PLCH1: variants seen among roughly 807,000 people sequenced by gnomAD.
PLCH1 encodes 1-phosphatidylinositol 4,5-bisphosphate phosphodiesterase eta-1.
PLCH1 carries 60 observed loss-of-function variants against 126.7 expected under a neutral mutation model. The observed-to-expected ratio is 0.47, with a 90% CI of 0.38 to 0.59. The LOEUF (loss-of-function observed/expected upper bound fraction) is 0.59, where lower values mean the gene tolerates loss of function less well. PLCH1 is among the 20% of genes least tolerant of loss of function. The pLI is 0.00. For missense variants in PLCH1, 1,723 were observed against 2,040.0 expected, an observed-to-expected ratio of 0.84 and a Z score of 2.99; for synonymous variants, 719 against 734.9, an observed-to-expected ratio of 0.98 and a Z score of 0.35.
chr3:155,695,754 G>A (rs1159096362), intron 2 of PLCH1, among the ~76,000 whole-genome samples: 1 of 152,232 alleles, frequency 6.6e-6, no homozygotes, highest in East Asian at 1.9e-4. Context: ...TCATAAAACA[G>A]GACCTGACCT....
intron 1 of PLCH1, among the ~76,000 whole-genome samples, chr3:155,712,229 C>G (rs1199570350): frequency 6.6e-6 from 1 of 152,192 alleles, no homozygotes; most frequent in African/African-American, 2.4e-5. Flanking sequence ...AAGTTTTTAA[C>G]AAGTCCTCTC....
intron 12 of PLCH1, among the ~76,000 whole-genome samples, chr3:155,509,481 T>G (rs1406707170): frequency 1.2e-3 from 25 of 20,966 alleles, no homozygotes; most frequent in African/African-American, 0.011. Context: ...TGCTTTCTCT[T>G]GTGGGCATTT....
intron 6 of PLCH1, among the ~76,000 whole-genome samples, chr3:155,576,208 G>A (rs998030163): frequency 2.0e-5 from 3 of 152,110 alleles, no homozygotes; most frequent in African/African-American, 2.4e-5. Context: ...CAAATATGAG[G>A]TTGGGGTGGG....
intron 2 of PLCH1, among the ~76,000 whole-genome samples, chr3:155,610,724 A>T (rs7609669): frequency 0.49 from 73,649 of 151,762 alleles, 20,257 homozygotes; most frequent in African/African-American, 0.74. Flanking sequence ...CTAAAACTTG[A>T]AACAAAACCT....
chr3:155,465,597 C>T (rs74484896), intron 21 of PLCH1, among the ~76,000 whole-genome samples: 2,538 of 151,734 alleles, frequency 0.017, 72 homozygotes, highest in African/African-American at 0.058. Flanking sequence ...TTGAGAAAGG[C>T]GAGGGAAAAG....
chr3:155,538,546 A>G (rs1461253031), intron 10 of PLCH1, among the ~76,000 whole-genome samples: 1 of 152,218 alleles, frequency 6.6e-6, no homozygotes, highest in Non-Finnish European at 1.5e-5. Flanking sequence ...AATAAGCTCA[A>G]TTAGAAACAA....
intron 9 of PLCH1, among the ~76,000 whole-genome samples, chr3:155,551,214 G>A (rs1210113740): frequency 6.6e-6 from 1 of 152,102 alleles, no homozygotes; most frequent in Non-Finnish European, 1.5e-5. Context: ...GGAGGCCGAA[G>A]CAGGCAGATC....
intron 1 of PLCH1, among the ~76,000 whole-genome samples, chr3:155,705,406 C>T (rs1285420231): frequency 6.6e-6 from 1 of 152,112 alleles, no homozygotes; most frequent in Non-Finnish European, 1.5e-5. Flanking sequence ...TTCCTCTTGC[C>T]TCATACCCAC....
rs867806744 is a variant in PLCH1 at position 155,622,234 on chromosome 3, C to G, written c.80-25856G>C. On this transcript the variant is annotated intron_variant, in intron 2 of 22. Transcript: ENST00000460012. ...GCTGAGAGATTTTGTCACCACCAGGCCTGTCTTACAAGAGCTCCTGAAGGA... is the reference window on the plus strand; with the variant it reads ...GCTGAGAGATTTTGTCACCACCAGGGCTGTCTTACAAGAGCTCCTGAAGGA... 5.9e-5 allele frequency among the ~76,000 whole-genome samples: 9 copies of G among 152,194 alleles called. 1 individual carries two copies. The highest frequency in any genetic ancestry group is 2.2e-4 in the African/African-American group (9 of 41,440).
chr3:155,547,690 A>C (rs1328749771), intron 10 of PLCH1, among the ~76,000 whole-genome samples: 7 of 152,028 alleles, frequency 4.6e-5, no homozygotes, highest in Admixed American at 2.0e-4. Context: ...CACATATACA[A>C]CATAGAATAC....
At chr3:155,705,365 C>T (rs969231666) in intron 1 of PLCH1, among the ~76,000 whole-genome samples, 4 of 152,144 alleles carry the variant, frequency 2.6e-5, no homozygotes, top group Non-Finnish European at 5.9e-5. Context: ...CCTATCCTGC[C>T]TTTTCTCTGG....
intron 2 of PLCH1, among the ~76,000 whole-genome samples, chr3:155,667,808 T>C (rs1212854383): frequency 2.7e-5 from 4 of 147,132 alleles, no homozygotes; most frequent in African/African-American, 1.0e-4. Flanking sequence ...CACATGCCTG[T>C]AATCCCAGCA....
At chr3:155,601,461 TG>T (rs1490318416) in intron 2 of PLCH1, among the ~76,000 whole-genome samples, 1 of 152,074 alleles carries the variant, frequency 6.6e-6, no homozygotes, top group African/African-American at 2.4e-5. Flanking sequence ...ATGTTATATA[TG>T]TGTATATCAC....
At chr3:155,649,950 C>A (rs1740517606) in intron 2 of PLCH1, among the ~76,000 whole-genome samples, 1 of 151,968 alleles carries the variant, frequency 6.6e-6, no homozygotes, top group African/African-American at 2.4e-5. Flanking sequence ...TGCACTCCAG[C>A]CTGGGCGACA....
At chr3:155,483,834 C>G (rs1369692192) in intron 22 of PLCH1, among the ~76,000 whole-genome samples, 1 of 151,986 alleles carries the variant, frequency 6.6e-6, no homozygotes, top group East Asian at 1.9e-4. Flanking sequence ...TAGTATACTG[C>G]TAGGAGAGTA....
intron 14 of PLCH1, among the ~76,000 whole-genome samples, chr3:155,499,354 A>C (rs1471037481): frequency 6.6e-6 from 1 of 152,228 alleles, no homozygotes; most frequent in African/African-American, 2.4e-5. Flanking sequence ...TCTTTACCAT[A>C]TAATTAGGAA....
At chr3:155,688,065 A>C (rs1270603797) in intron 2 of PLCH1, among the ~76,000 whole-genome samples, 1 of 152,206 alleles carries the variant, frequency 6.6e-6, no homozygotes, top group African/African-American at 2.4e-5. Flanking sequence ...GTTAATAATC[A>C]TTTTTACCTA....
Position 155,485,466 on chromosome 3 carries a change from C to G in PLCH1, c.2864G>C (p.Ser955Thr). 6.2e-7 allele frequency: 1 copy of G among 1,614,160 alleles called. No homozygotes were observed. Among genetic ancestry groups the G allele is most frequent in the Non-Finnish European group, 8.5e-7 (1 of 1,180,000 alleles). ...QDGVLRRTTR[S>T]LQARPVSMPV... ...CATAGAGACAGGGCGTGCTTGCAAACTGCGTGTGGTCCTCCTCAGCACGCC... is the reference window on the plus strand; with the variant it reads ...CATAGAGACAGGGCGTGCTTGCAAAGTGCGTGTGGTCCTCCTCAGCACGCC... The change falls in exon 22 of 23, where the codon AGT becomes ACT. Residue 955 changes from serine to threonine, a missense_variant. Physicochemically the swap from Ser to Thr is moderately conservative, Grantham distance 58 (BLOSUM62 1). This residue lies in a region of PLCH1 where 947 missense variants were observed against 977.1 expected (regional missense o/e 0.97). Transcript: ENST00000460012.
chr3:155,709,199 T>C (rs1266290817), intron 1 of PLCH1, among the ~76,000 whole-genome samples: 6 of 152,230 alleles, frequency 3.9e-5, no homozygotes, highest in Admixed American at 6.5e-5. Flanking sequence ...ACATCTTAGT[T>C]GCTTCCAAAT....
Sources: allele counts gnomAD v4.1 joint callset (sites outside exome capture counted in the v4.1 genomes callset), GRCh38; gene constraint gnomAD v4.1.1; regional missense constraint gnomAD v4.1.1; transcripts MANE v1.5; gene names NCBI Gene and HGNC (gene_info 2026-07-23, HGNC 2026-07-21).